The following PCM1 variants were observed in gnomAD, a reference collection of about 807,000 sequenced individuals.
PCM1 encodes pericentriolar material 1.
In PCM1, 157 loss-of-function variants were observed where a neutral mutation model predicts 241.9. The ratio of observed to expected loss-of-function variants is 0.65; its 90% CI spans 0.57 to 0.74. PCM1 has a LOEUF of 0.74. Among genes scored for constraint, PCM1 ranks in the 30% least tolerant of loss-of-function variants. The pLI, the probability that PCM1 is intolerant of heterozygous loss-of-function variation, is 0.00. For synonymous variants in PCM1, 1,085 were observed against 784.9 expected, an observed-to-expected ratio of 1.38 and a Z score of -6.39; for missense variants, 3,478 against 2,360.1, an observed-to-expected ratio of 1.47 and a Z score of -9.81.
intron 3 of PCM1, 118 bp from the exon 4 acceptor site, chr8:17,937,016 C>CT (rs1311097234): frequency 1.4e-6 from 1 of 725,560 alleles, no homozygotes; most frequent in East Asian, 2.7e-5. Flanking sequence ...GAGTATAAGT[C>CT]TGTCAAAAAT....
At chr8:17,976,417 G>C (rs974044362) in intron 23 of PCM1, among the ~76,000 whole-genome samples, 1 of 152,184 alleles carries the variant, frequency 6.6e-6, no homozygotes, top group African/African-American at 2.4e-5. Context: ...GAGGAAGAAA[G>C]GTCTCATGTT....
intron 2 of PCM1, among the ~76,000 whole-genome samples, chr8:17,935,191 A>G (rs2060078926): frequency 6.6e-6 from 1 of 152,212 alleles, no homozygotes; most frequent in Non-Finnish European, 1.5e-5. Flanking sequence ...TTTTCAGGGT[A>G]TCATCTTCAT....
At chr8:17,949,489 T>G (rs1259743025) in intron 7 of PCM1, among the ~76,000 whole-genome samples, 1 of 150,432 alleles carries the variant, frequency 6.6e-6, no homozygotes, top group African/African-American at 2.5e-5. Context: ...CTAATTGTCT[T>G]TTTTCTTTAT....
Position 18,014,714 on chromosome 8 carries a change from G to T in PCM1, c.5715G>T (p.Pro1905=), listed in dbSNP as rs200999734. The change falls in exon 36 of 39, where the codon CCG becomes CCT. Residue 1905 remains proline (P), a synonymous_variant. Transcript: ENST00000325083. The stretch of plus-strand genomic sequence containing the variant: ...CAACTCAACAGCCTAACCCTTTGCC[G>T]TTACGTTTACCTGAAATGGAACCCT... The part of the protein sequence containing the change: ...VDSTQQPNPL[P]LRLPEMEPLV... The T allele has an allele frequency of 2.5e-6, 4 of 1,613,098 alleles. No homozygotes were observed. Among genetic ancestry groups the T allele is most frequent in the Non-Finnish European group, 3.4e-6 (4 of 1,179,820 alleles).
chr8:17,975,201 T>C (rs557086731), intron 23 of PCM1, among the ~76,000 whole-genome samples: 47 of 152,148 alleles, frequency 3.1e-4, no homozygotes, highest in Non-Finnish European at 5.3e-4. Context: ...GCTATAGGAA[T>C]GGTCAAGATT....
At chr8:17,948,743 G>C (rs1392147480) in intron 7 of PCM1, among the ~76,000 whole-genome samples, 1 of 152,062 alleles carries the variant, frequency 6.6e-6, no homozygotes, top group Non-Finnish European at 1.5e-5. Flanking sequence ...AGATAATTTA[G>C]GAAAAGATAA....
chr8:18,018,875 TATATAC>T lies in PCM1; in HGVS notation c.5841+4037_5841+4042del, dbSNP rs1554778626. On this transcript the variant is annotated intron_variant, in intron 36 of 38. Coordinates refer to ENST00000325083, the MANE Select transcript of PCM1 (RefSeq NM_006197.4). Reference sequence around the variant, plus strand: ...GTGTATATATATATATATATATATATATATACACACACATATACATACACATATATA... The same window carrying T: ...GTGTATATATATATATATATATATATACACACATATACATACACATATATA... Among the ~76,000 whole-genome samples the T allele has an allele frequency of 4.3e-4, 21 of 48,456 alleles. 1 individual carries two copies. The highest frequency in any genetic ancestry group is 1.1e-3 in the African/African-American group (18 of 15,700). 31.8% of individuals were successfully genotyped at this position (48,456 alleles called of 152,430 possible).
chr8:17,931,319 C>G (rs893243108), intron 2 of PCM1, among the ~76,000 whole-genome samples: 1 of 150,914 alleles, frequency 6.6e-6, no homozygotes, highest in East Asian at 1.9e-4. Flanking sequence ...GAGATGGAGT[C>G]TTGCTCTTGC....
At chr8:17,983,236 A>G (rs1341098052) in intron 24 of PCM1, 7 of 1,320,232 alleles carry the variant, frequency 5.3e-6, no homozygotes, top group South Asian at 1.2e-5. Flanking sequence ...CCTACAGCAC[A>G]TGCTAGGAGA....
chr8:18,017,834 C>T (rs745989605), intron 36 of PCM1, among the ~76,000 whole-genome samples: 8 of 151,602 alleles, frequency 5.3e-5, no homozygotes, highest in Non-Finnish European at 1.0e-4. Flanking sequence ...GCCTGGGCAA[C>T]AAGAGCAAAA....
chr8:17,932,080 A>G (rs557781094), intron 2 of PCM1, among the ~76,000 whole-genome samples: 24 of 152,026 alleles, frequency 1.6e-4, no homozygotes, highest in Non-Finnish European at 3.2e-4. Context: ...TTTTTCCATG[A>G]TACACCGACA....
chr8:17,974,350 A>G (rs1370503631), intron 23 of PCM1, among the ~76,000 whole-genome samples: 1 of 152,202 alleles, frequency 6.6e-6, no homozygotes, highest in Non-Finnish European at 1.5e-5. Flanking sequence ...TTGTCATATA[A>G]ATAAATGAAG....
chr8:17,950,165 G>A (rs888393269), intron 7 of PCM1, among the ~76,000 whole-genome samples: 13 of 152,144 alleles, frequency 8.5e-5, no homozygotes, highest in African/African-American at 3.1e-4. Context: ...TTCCCACAAA[G>A]TTTAACATAT....
At chr8:17,994,103 C>G (rs2085736581) in intron 29 of PCM1, among the ~76,000 whole-genome samples, 1 of 152,136 alleles carries the variant, frequency 6.6e-6, no homozygotes, top group African/African-American at 2.4e-5. Flanking sequence ...TGTAGTCACC[C>G]TGTTGTGCTG....
chr8:18,022,994 T>A (rs2093881250), intron 36 of PCM1, among the ~76,000 whole-genome samples: 1 of 152,204 alleles, frequency 6.6e-6, no homozygotes, highest in Non-Finnish European at 1.5e-5. Context: ...AGTGTTTTTT[T>A]ATTCCTCTTT....
chr8:18,027,537 T>C lies in PCM1; in HGVS notation c.6050-100T>C, dbSNP rs2094323850. On this transcript the variant is annotated intron_variant, in intron 38 of 38. Transcript: ENST00000325083. ...AGCTAATTTAGGATTTCTTTTATAA[T>C]AACGTTATATTAAAAGTAAAAGCTT... is the stretch of plus-strand genomic sequence containing the variant. 6.8e-6 allele frequency: 5 copies of C among 732,648 alleles called. No individual in the cohort carries two copies. The Admixed American group carries it at 1.1e-4, about 16-fold the overall frequency. 45.4% of individuals were successfully genotyped at this position (732,648 alleles called of 1,614,324 possible).
At chr8:17,971,622 A>T (rs914181902) in intron 22 of PCM1, among the ~76,000 whole-genome samples, 3 of 152,234 alleles carry the variant, frequency 2.0e-5, no homozygotes, top group Admixed American at 1.3e-4. Context: ...TTCTTGTTCT[A>T]CTTGAACTGC....
chr8:17,985,404 G>C (rs139572986), intron 24 of PCM1, 43 bp from the exon 25 acceptor site: 1 of 1,345,666 alleles, frequency 7.4e-7, no homozygotes, highest in Non-Finnish European at 1.0e-6. Flanking sequence ...TGTCATGAAG[G>C]TACTTCATCA....
chr8:17,957,743 A>C lies in PCM1; in HGVS notation c.2008A>C (p.Arg670=). 6.2e-7 allele frequency: 1 copy of C among 1,613,456 alleles called. No homozygotes were observed. The highest frequency in any genetic ancestry group is 8.5e-7 in the Non-Finnish European group (1 of 1,179,574). The change falls in exon 13 of 39, where the codon AGA becomes CGA. Residue 670 remains arginine (R), a synonymous_variant. Coordinates refer to ENST00000325083, the MANE Select transcript of PCM1 (RefSeq NM_006197.4). ...ACTTATGGCTGCAAAACAGAAACTT[A>C]GACAGTTACAAGATCTTGTTGCTAT... ...NRLMAAKQKL[R]QLQDLVAMVQ...
Sources: allele counts gnomAD v4.1 joint callset (sites outside exome capture counted in the v4.1 genomes callset), GRCh38; gene constraint gnomAD v4.1.1; transcripts MANE v1.5; gene names NCBI Gene and HGNC (gene_info 2026-07-23, HGNC 2026-07-21).